Variants in DLGAP2 observed in about 807,000 individuals in gnomAD.
DLGAP2 encodes disks large-associated protein 2.
In DLGAP2, 26 loss-of-function variants were observed where a neutral mutation model predicts 100.3. That is an observed-to-expected ratio of 0.26 (90% CI 0.19 to 0.36). The LOEUF (loss-of-function observed/expected upper bound fraction) is 0.36. Ranked by LOEUF, DLGAP2 falls within the 10% of genes least tolerant of loss-of-function variation. DLGAP2 has a pLI of 1.00. For missense variants in DLGAP2, 1,858 were observed against 1,453.2 expected (o/e 1.28, Z -4.53); for synonymous variants, 886 against 630.1 (o/e 1.41, Z -6.08).
intron 2 of DLGAP2, among the ~76,000 whole-genome samples, chr8:1,160,632 C>T (rs76029120): frequency 0.033 from 4,957 of 152,270 alleles, 285 homozygotes; most frequent in African/African-American, 0.11. Context: ...TGGCTGCTCT[C>T]CGCTGGGCCC....
intron 8 of DLGAP2, among the ~76,000 whole-genome samples, chr8:1,648,671 G>C (rs1226839470): frequency 1.3e-5 from 2 of 152,290 alleles, no homozygotes; most frequent in East Asian, 3.9e-4. Flanking sequence ...GTGTTCTGCA[G>C]CTGCTCAGAG....
chr8:1,129,594 G>A (rs771480481), intron 2 of DLGAP2, among the ~76,000 whole-genome samples: 8 of 152,110 alleles, frequency 5.3e-5, no homozygotes, highest in East Asian at 1.9e-4. Flanking sequence ...CGAGCCTTGC[G>A]GGAAGCCTGA....
chr8:741,980 G>A (rs1015991133), intron 1 of DLGAP2, among the ~76,000 whole-genome samples: 5 of 152,202 alleles, frequency 3.3e-5, no homozygotes, highest in African/African-American at 4.8e-5. Flanking sequence ...GGAGAAGGGC[G>A]GCTGTTATGC....
chr8:1,207,653 G>A (rs187206720), intron 2 of DLGAP2, among the ~76,000 whole-genome samples: 13 of 152,264 alleles, frequency 8.5e-5, no homozygotes, highest in South Asian at 6.2e-4. Flanking sequence ...ACTGTTTTCC[G>A]TAGTGGTTGT....
chr8:1,086,911 C>G (rs1324657551), intron 2 of DLGAP2, among the ~76,000 whole-genome samples: 1 of 152,094 alleles, frequency 6.6e-6, no homozygotes, highest in South Asian at 2.1e-4. Context: ...CCAAATGGAC[C>G]TAATAAATAC....
intron 2 of DLGAP2, among the ~76,000 whole-genome samples, chr8:1,039,494 G>T (rs1269865196): frequency 2.8e-5 from 4 of 143,106 alleles, no homozygotes; most frequent in African/African-American, 5.3e-5. Flanking sequence ...GGTCGGCTCG[G>T]TGTGCATGGT....
chr8:1,350,872 G>A (rs1585288082), intron 3 of DLGAP2, among the ~76,000 whole-genome samples: 1 of 85,128 alleles, frequency 1.2e-5, no homozygotes, highest in Non-Finnish European at 2.4e-5. Flanking sequence ...GTGTGGAAAG[G>A]CCGCGCGGGT....
chr8:1,082,980 G>A (rs778514045), intron 2 of DLGAP2, among the ~76,000 whole-genome samples: 20 of 152,112 alleles, frequency 1.3e-4, no homozygotes, highest in South Asian at 1.0e-3. Flanking sequence ...GTTAAAATAC[G>A]TGTCAAACTT....
chr8:814,786 G>T (rs535765530), intron 1 of DLGAP2, among the ~76,000 whole-genome samples: 1 of 143,766 alleles, frequency 7.0e-6, no homozygotes, highest in South Asian at 2.2e-4. Flanking sequence ...CTAGGAGGTG[G>T]AGCTGCAGTG....
At chr8:1,284,810 T>C (rs188737075) in intron 3 of DLGAP2, among the ~76,000 whole-genome samples, 2 of 152,256 alleles carry the variant, frequency 1.3e-5, no homozygotes, top group Admixed American at 1.3e-4. Flanking sequence ...GAGGTCTCAC[T>C]GTGTTGCGTA....
intron 2 of DLGAP2, among the ~76,000 whole-genome samples, chr8:1,017,733 T>C (rs1440766169): frequency 6.6e-6 from 1 of 152,050 alleles, no homozygotes; most frequent in Non-Finnish European, 1.5e-5. Flanking sequence ...GGACGGGGAC[T>C]GACTGAGCCT....
chr8:1,659,198 C>T (rs1798354363), intron 8 of DLGAP2, among the ~76,000 whole-genome samples: 1 of 152,118 alleles, frequency 6.6e-6, no homozygotes, highest in Non-Finnish European at 1.5e-5. Context: ...GCACTGTGGT[C>T]GGAGAGACTG....
Position 1,209,005 on chromosome 8 carries a change from CACAA to C in DLGAP2, c.74-49840_74-49837del, listed in dbSNP as rs560051190. Among the ~76,000 whole-genome samples the C allele has an allele frequency of 2.3e-4, 35 of 152,188 alleles. 1 individual carries two copies. Among genetic ancestry groups the C allele is most frequent in the Admixed American group, 1.3e-3 (20 of 15,276 alleles). On this transcript the variant is annotated intron_variant, in intron 2 of 14. Transcript: ENST00000637795. The stretch of plus-strand genomic sequence containing the variant: ...CACTGATGAAAGAAATCATAGATGA[CACAA>C]ACAAATGGTAACACATCTCATGCTC...
chr8:1,438,916 G>A (rs1797739476), intron 3 of DLGAP2, among the ~76,000 whole-genome samples: 1 of 152,174 alleles, frequency 6.6e-6, no homozygotes, highest in African/African-American at 2.4e-5. Context: ...CTAGAAAAAA[G>A]CACGTTCACA....
intron 6 of DLGAP2, among the ~76,000 whole-genome samples, chr8:1,591,217 C>G (rs1286391374): frequency 6.6e-6 from 1 of 152,174 alleles, no homozygotes; most frequent in Non-Finnish European, 1.5e-5. Flanking sequence ...TCCCTTCCCT[C>G]TGCAAAGCCC....
intron 7 of DLGAP2, among the ~76,000 whole-genome samples, chr8:1,630,811 G>A (rs1797622845): frequency 6.6e-6 from 1 of 152,122 alleles, no homozygotes; most frequent in African/African-American, 2.4e-5. Flanking sequence ...TTATGTCCAT[G>A]CCGTTTCCTC....
At chr8:1,316,629 G>A (rs1359095519) in intron 3 of DLGAP2, among the ~76,000 whole-genome samples, 2 of 143,014 alleles carry the variant, frequency 1.4e-5, no homozygotes, top group East Asian at 2.1e-4. Flanking sequence ...GTGTGCGAGT[G>A]CAGCGTCTCT....
chr8:1,459,692 T>C (rs1798420237), intron 3 of DLGAP2, among the ~76,000 whole-genome samples: 1 of 148,252 alleles, frequency 6.7e-6, no homozygotes, highest in South Asian at 2.2e-4. Flanking sequence ...TTCTTTTTTT[T>C]TTTTTTTTTT....
intron 2 of DLGAP2, among the ~76,000 whole-genome samples, chr8:1,101,026 G>C (rs549350395): frequency 6.6e-6 from 1 of 152,168 alleles, no homozygotes; most frequent in Non-Finnish European, 1.5e-5. Context: ...CTGGTCCCAC[G>C]TGGGGTTTCT....
Sources: allele counts gnomAD v4.1 joint callset (sites outside exome capture counted in the v4.1 genomes callset), GRCh38; gene constraint gnomAD v4.1.1; transcripts MANE v1.5; gene names NCBI Gene and HGNC (gene_info 2026-07-23, HGNC 2026-07-21).